CEP112: variants seen among roughly 807,000 people sequenced by gnomAD.
CEP112 encodes the protein centrosomal protein of 112 kDa.
CEP112 carries 127 observed loss-of-function variants against 153.0 expected under a neutral mutation model. The observed-to-expected ratio is 0.83, with a 90% CI of 0.72 to 0.96. The LOEUF (loss-of-function observed/expected upper bound fraction) is 0.96. Ranked by LOEUF, CEP112 falls within the 40% of genes least tolerant of loss-of-function variation. CEP112 has a pLI of 0.00. For synonymous variants in CEP112, 358 were observed against 374.4 expected, an observed-to-expected ratio of 0.96 and a Z score of 0.51; for missense variants, 1,089 against 1,101.2, an observed-to-expected ratio of 0.99 and a Z score of 0.16.
chr17:65,673,843 T>C (rs1027871915), intron 24 of CEP112, among the ~76,000 whole-genome samples: 3 of 152,196 alleles, frequency 2.0e-5, no homozygotes, highest in Admixed American at 2.0e-4. Context: ...CTTATCTAAC[T>C]AACAAATGAT....
chr17:65,663,539 A>T (rs963323074), intron 24 of CEP112, among the ~76,000 whole-genome samples: 1 of 152,164 alleles, frequency 6.6e-6, no homozygotes, highest in Non-Finnish European at 1.5e-5. Flanking sequence ...TTCTGAGCCA[A>T]TTGGATGGTA....
chr17:65,762,337 T>C (rs1055141189), intron 21 of CEP112, among the ~76,000 whole-genome samples: 2 of 152,036 alleles, frequency 1.3e-5, no homozygotes, highest in African/African-American at 4.8e-5. Context: ...TTAAAGCAGG[T>C]TTCTTGGAGA....
chr17:65,684,254 T>A (rs2047676014), intron 24 of CEP112, among the ~76,000 whole-genome samples: 1 of 152,262 alleles, frequency 6.6e-6, no homozygotes, highest in South Asian at 2.1e-4. Context: ...CTGAGTCTCC[T>A]GTGAAACACT....
intron 20 of CEP112, among the ~76,000 whole-genome samples, chr17:65,858,875 C>T (rs545320202): frequency 2.6e-5 from 4 of 152,056 alleles, no homozygotes; most frequent in Non-Finnish European, 4.4e-5. Flanking sequence ...ATTTATAAGC[C>T]ACAAAAGTAG....
intron 4 of CEP112, among the ~76,000 whole-genome samples, chr17:66,169,656 C>G (rs1479590249): frequency 6.6e-6 from 1 of 152,070 alleles, no homozygotes; most frequent in Non-Finnish European, 1.5e-5. Flanking sequence ...ATGGTGATTA[C>G]CACTCCAAAG....
chr17:65,848,463 G>A (rs974527364), intron 21 of CEP112, among the ~76,000 whole-genome samples: 3 of 151,590 alleles, frequency 2.0e-5, no homozygotes, highest in Non-Finnish European at 2.9e-5. Flanking sequence ...TTCTACCTTC[G>A]TGACCCTTCT....
chr17:66,113,589 TA>T (rs1429435936), intron 6 of CEP112, among the ~76,000 whole-genome samples: 18 of 152,326 alleles, frequency 1.2e-4, no homozygotes, highest in African/African-American at 3.6e-4. Flanking sequence ...AAGTAACTCC[TA>T]TTTCAACCTC....
At chr17:65,654,441 T>C (rs979403346) in intron 24 of CEP112, among the ~76,000 whole-genome samples, 3 of 152,228 alleles carry the variant, frequency 2.0e-5, no homozygotes, top group African/African-American at 7.2e-5. Context: ...TCCCTGTTCA[T>C]AGGAACCGTT....
In CEP112 at chr17:65,772,787, A is replaced by G. The variant is rs572888118; in HGVS notation, c.2395-22063T>C. Among the ~76,000 whole-genome samples the G allele has an allele frequency of 3.3e-5, 5 of 152,014 alleles. No homozygotes were observed. In the South Asian group the frequency reaches 6.2e-4, roughly 19 times the overall value. On this transcript the variant is annotated intron_variant, in intron 21 of 26. Transcript: ENST00000535342. ...GAGTGAATAAATAAAATACTGCATA[A>G]TAAGTGTCATGAAAGAGATCTGCAC...
At chr17:65,995,042 TC>T (rs1271753824) in intron 17 of CEP112, among the ~76,000 whole-genome samples, 1 of 151,828 alleles carries the variant, frequency 6.6e-6, no homozygotes, top group African/African-American at 2.4e-5. Context: ...TTGATCTCCA[TC>T]AAACCCGAAG....
At chr17:66,066,692 A>G (rs1348414992) in intron 10 of CEP112, 86 bp downstream of exon 10, 5 of 894,338 alleles carry the variant, frequency 5.6e-6, no homozygotes, top group East Asian at 6.0e-5. Context: ...CATACTATAA[A>G]AGGTCAGAAA....
At chr17:65,786,880 T>C (rs954291009) in intron 21 of CEP112, among the ~76,000 whole-genome samples, 1 of 152,174 alleles carries the variant, frequency 6.6e-6, no homozygotes, top group African/African-American at 2.4e-5. Flanking sequence ...CTGCTACACC[T>C]GGCCTTAGCC....
At chr17:66,185,619 T>C (rs965598867) in intron 1 of CEP112, among the ~76,000 whole-genome samples, 27 of 152,182 alleles carry the variant, frequency 1.8e-4, no homozygotes, top group African/African-American at 6.3e-4. Flanking sequence ...AGGGGGTGAA[T>C]CCCAAAAATC....
intron 6 of CEP112, among the ~76,000 whole-genome samples, chr17:66,110,104 G>T (rs1049488801): frequency 6.6e-6 from 1 of 152,174 alleles, no homozygotes; most frequent in Non-Finnish European, 1.5e-5. Flanking sequence ...AGCTTGCAGT[G>T]AGCCAAGATT....
chr17:66,183,114 G>C (rs1009034971), intron 2 of CEP112, 80 bp downstream of exon 2: 1 of 971,430 alleles, frequency 1.0e-6, no homozygotes, highest in East Asian at 2.7e-5. Context: ...TTTCTTCCAT[G>C]TTGATAGTTC....
Position 66,027,536 on chromosome 17 carries a change from C to T in CEP112, c.1621G>A (p.Glu541Lys). The T allele has an allele frequency of 7.7e-7, 1 of 1,301,832 alleles. No individual in the cohort carries two copies. Among genetic ancestry groups the T allele is most frequent in the South Asian group, 1.4e-5 (1 of 70,226 alleles). 80.6% of individuals were successfully genotyped at this position (1,301,832 alleles called of 1,614,324 possible). A position where few individuals can be genotyped will look rare whatever the true frequency, so the allele number is the denominator to read the frequency against. Reference protein sequence around the residue: ...LRDQENKFQMEKSHLKHIYEK... With the variant: ...LRDQENKFQMKKSHLKHIYEK... Reference sequence around the variant, plus strand: ...TAGATGTGTTTTAAATGACTTTTCTCCATCTGAAACTTATTTTCTTGATCC... The same window carrying T: ...TAGATGTGTTTTAAATGACTTTTCTTCATCTGAAACTTATTTTCTTGATCC... Residue 541 changes from glutamate to lysine, a missense_variant, in exon 16 of 27, where the codon GAG becomes AAG. By Grantham distance (56) the Glu-to-Lys change is moderately conservative. Transcript: ENST00000535342.
At chr17:65,778,482 C>A (rs1373116853) in intron 21 of CEP112, among the ~76,000 whole-genome samples, 2 of 151,986 alleles carry the variant, frequency 1.3e-5, no homozygotes, top group Non-Finnish European at 2.9e-5. Context: ...CATGGCTGTT[C>A]TATAGTCTTT....
At chr17:65,808,492 C>T (rs955638798) in intron 21 of CEP112, among the ~76,000 whole-genome samples, 10 of 152,086 alleles carry the variant, frequency 6.6e-5, no homozygotes, top group Non-Finnish European at 1.0e-4. Context: ...GGCTCTGTGT[C>T]CCCAACCAAA....
chr17:66,169,532 C>T (rs959240115), intron 4 of CEP112, among the ~76,000 whole-genome samples: 1 of 152,040 alleles, frequency 6.6e-6, no homozygotes, highest in African/African-American at 2.4e-5. Context: ...GATCCGCCCG[C>T]CCTGGCCTCC....
Sources: allele counts gnomAD v4.1 joint callset (sites outside exome capture counted in the v4.1 genomes callset), GRCh38; gene constraint gnomAD v4.1.1; transcripts MANE v1.5; gene names NCBI Gene and HGNC (gene_info 2026-07-23, HGNC 2026-07-21).